MSH4: variants seen among roughly 807,000 people sequenced by gnomAD.
The protein encoded by MSH4 is mutS protein homolog 4.
A neutral mutation model predicts 113.7 loss-of-function variants in MSH4; 106 were observed. The ratio of observed to expected loss-of-function variants is 0.93; its 90% CI spans 0.80 to 1.10. The LOEUF (loss-of-function observed/expected upper bound fraction) is 1.10. MSH4 is among the 50% of genes least tolerant of loss of function. MSH4 has a pLI of 0.00. For synonymous variants in MSH4, 368 were observed against 380.2 expected, an observed-to-expected ratio of 0.97 and a Z score of 0.37; for missense variants, 1,061 against 1,093.7, an observed-to-expected ratio of 0.97 and a Z score of 0.42.
intron 4 of MSH4, among the ~76,000 whole-genome samples, chr1:75,811,958 C>G (rs1650198478): frequency 6.6e-6 from 1 of 152,182 alleles, no homozygotes; most frequent in African/African-American, 2.4e-5. Context: ...TATTCTAAAT[C>G]TATTGTCTCT....
chr1:75,893,915 A>G (rs1320293153), intron 17 of MSH4, among the ~76,000 whole-genome samples: 1 of 152,182 alleles, frequency 6.6e-6, no homozygotes, highest in African/African-American at 2.4e-5. Context: ...AACAGACCAA[A>G]AGTTGGCCCA....
intron 5 of MSH4, among the ~76,000 whole-genome samples, chr1:75,815,679 C>T (rs1650278953): frequency 6.6e-6 from 1 of 152,144 alleles, no homozygotes; most frequent in African/African-American, 2.4e-5. Context: ...TCATTATTCT[C>T]ACTGAGATCA....
chr1:75,894,162 A>C (rs1652321788), intron 17 of MSH4, among the ~76,000 whole-genome samples: 2 of 152,172 alleles, frequency 1.3e-5, no homozygotes, highest in Non-Finnish European at 2.9e-5. Flanking sequence ...CCTTTACTGC[A>C]GGCACTGAAT....
rs375538914 is a variant in MSH4, at chr1:75,807,136, G to A, written c.583G>A (p.Ala195Thr). The A allele has an allele frequency of 1.0e-4, 162 of 1,554,732 alleles. No homozygotes were observed. The highest frequency in any genetic ancestry group is 1.4e-4 in the Non-Finnish European group (160 of 1,160,474). Residue 195 changes from alanine to threonine, a missense_variant, in exon 3 of 20, where the codon GCA (alanine) becomes ACA (threonine). Transcript: ENST00000263187. ...LSQFADNTTY[A>T]KVITKLKILS... ...CCAGTTTGCAGACAACACAACATAT[G>A]CAAAGGTAAGTATTAATAATTCTAG...
intron 15 of MSH4, among the ~76,000 whole-genome samples, chr1:75,885,873 TATATA>T (rs1483488123): frequency 1.5e-5 from 2 of 129,542 alleles, no homozygotes; most frequent in Non-Finnish European, 3.1e-5. Context: ...TTATATGTAT[TATATA>T]GTATATATTA....
In MSH4 at chr1:75,903,188, T is replaced by C. The variant is rs564533126; in HGVS notation, c.2619+3482T>C. Among the ~76,000 whole-genome samples, 17 of 152,188 alleles carry C rather than the reference T, an allele frequency of 1.1e-4. No individual in the cohort carries two copies. The South Asian group carries it at 3.3e-3, about 30-fold the overall frequency. The stretch of plus-strand genomic sequence containing the variant: ...GTTTCATAGTTTCAGGTCTTACATT[T>C]AAGTCTTTAATTCATTTTGATTAGA... On this transcript the variant is annotated intron_variant, in intron 19 of 19. Coordinates refer to ENST00000263187, the MANE Select transcript of MSH4 (RefSeq NM_002440.4).
intron 7 of MSH4, among the ~76,000 whole-genome samples, chr1:75,840,572 G>A (rs1251394479): frequency 6.9e-6 from 1 of 145,864 alleles, no homozygotes; most frequent in Non-Finnish European, 1.5e-5. Flanking sequence ...AATGCTAAAT[G>A]ATGAGTTAAT....
At chr1:75,829,306 C>T (rs1248712838) in intron 7 of MSH4, among the ~76,000 whole-genome samples, 1 of 152,148 alleles carries the variant, frequency 6.6e-6, no homozygotes, top group African/African-American at 2.4e-5. Flanking sequence ...CTGGGTGGAG[C>T]CCACCGCAGC....
intron 7 of MSH4, among the ~76,000 whole-genome samples, chr1:75,841,271 T>A (rs1650954718): frequency 6.6e-6 from 1 of 150,940 alleles, no homozygotes; most frequent in Non-Finnish European, 1.5e-5. Flanking sequence ...CACTATCATA[T>A]CTTACTATAA....
At chr1:75,909,301 C>T (rs144917320) in intron 19 of MSH4, among the ~76,000 whole-genome samples, 1 of 152,196 alleles carries the variant, frequency 6.6e-6, no homozygotes, top group South Asian at 2.1e-4. Context: ...TTATAGTCTG[C>T]TCAGAGTTTT....
chr1:75,818,554 A>ACC (rs1331208109), intron 6 of MSH4, among the ~76,000 whole-genome samples: 1 of 152,236 alleles, frequency 6.6e-6, no homozygotes, highest in East Asian at 1.9e-4. Context: ...GCTTAGAACA[A>ACC]TTGTGGGTAC....
intron 8 of MSH4, among the ~76,000 whole-genome samples, chr1:75,852,951 C>T (rs1221599149): frequency 6.6e-6 from 1 of 152,088 alleles, no homozygotes; most frequent in East Asian, 1.9e-4. Context: ...ATGATTATAA[C>T]AGTTTTAGTT....
chr1:75,820,915 G>A (rs1194643613), intron 6 of MSH4, among the ~76,000 whole-genome samples: 1 of 150,820 alleles, frequency 6.6e-6, no homozygotes, highest in Non-Finnish European at 1.5e-5. Context: ...CAAGTACTTA[G>A]AGACCTACAA....
intron 9 of MSH4, among the ~76,000 whole-genome samples, chr1:75,874,665 A>T (rs1011784832): frequency 6.6e-6 from 1 of 152,016 alleles, no homozygotes; most frequent in Admixed American, 6.5e-5. Context: ...AATGCCATAT[A>T]TGCTGTTGCC....
intron 13 of MSH4, among the ~76,000 whole-genome samples, chr1:75,880,569 G>A (rs1336719422): frequency 6.6e-6 from 1 of 152,072 alleles, no homozygotes; most frequent in Non-Finnish European, 1.5e-5. Flanking sequence ...AGAAGAAGTA[G>A]AAGATTTAGA....
chr1:75,848,348 A>G lies in MSH4; in HGVS notation c.1230+72A>G. ...ATGGAACTTGTCTTAATGTAATGTA[A>G]CAATTGGAAAATATCAAAATGTTTT... is the stretch of plus-strand genomic sequence containing the variant. On this transcript the variant is annotated intron_variant, in intron 8 of 19. Coordinates refer to ENST00000263187, the MANE Select transcript of MSH4 (RefSeq NM_002440.4). The G allele has an allele frequency of 6.5e-6, 7 of 1,081,982 alleles. No homozygotes were observed. In the South Asian group the frequency reaches 7.1e-5, roughly 11 times the overall value. 67.0% of individuals were successfully genotyped at this position (1,081,982 alleles called of 1,614,324 possible).
In MSH4 at chr1:75,807,038, A is replaced by C; in HGVS notation, c.485A>C (p.Glu162Ala). Reference sequence around the variant, plus strand: ...CCATCAGTTATTGTAGCTGTTGTAGAAGGGAGAGGACTTGCCAGAGGTGAA... The same window carrying C: ...CCATCAGTTATTGTAGCTGTTGTAGCAGGGAGAGGACTTGCCAGAGGTGAA... ...HSPSVIVAVV[E>A]GRGLARGEIG... Residue 162 changes from glutamate to alanine, a missense_variant, in exon 3 of 20, where the codon GAA (glutamate) becomes GCA (alanine). Physicochemically the swap from Glu to Ala is moderately radical, Grantham distance 107. Coordinates refer to ENST00000263187, the MANE Select transcript of MSH4 (RefSeq NM_002440.4). 6.3e-7 allele frequency: 1 copy of C among 1,589,476 alleles called. No homozygotes were observed. The highest frequency in any genetic ancestry group is 8.5e-7 in the Non-Finnish European group (1 of 1,172,670).
At chr1:75,868,084 T>G (rs552074379) in intron 9 of MSH4, among the ~76,000 whole-genome samples, 1 of 152,270 alleles carries the variant, frequency 6.6e-6, no homozygotes, top group South Asian at 2.1e-4. Flanking sequence ...ATACTGACAT[T>G]TTGAAGCATA....
chr1:75,870,963 T>A (rs1051591503), intron 9 of MSH4, among the ~76,000 whole-genome samples: 4 of 152,088 alleles, frequency 2.6e-5, no homozygotes, highest in Non-Finnish European at 4.4e-5. Flanking sequence ...GTAGGAAAAA[T>A]TTATAACAAA....
Sources: allele counts gnomAD v4.1 joint callset (sites outside exome capture counted in the v4.1 genomes callset), GRCh38; gene constraint gnomAD v4.1.1; transcripts MANE v1.5; gene names NCBI Gene and HGNC (gene_info 2026-07-23, HGNC 2026-07-21).